Variants in KDM4C observed in about 807,000 individuals in gnomAD.
The protein encoded by KDM4C is lysine-specific demethylase 4C.
KDM4C carries 81 observed loss-of-function variants against 129.3 expected under a neutral mutation model. That is an observed-to-expected ratio of 0.63 (90% CI 0.52 to 0.75). The LOEUF is 0.75. Among genes scored for constraint, KDM4C ranks in the 30% least tolerant of loss-of-function variants. The pLI is 0.00. For synonymous variants in KDM4C, 573 were observed against 456.1 expected (o/e 1.26, Z -3.26); for missense variants, 1,457 against 1,304.0 (o/e 1.12, Z -1.81).
rs530100937 is a variant in KDM4C at position 7,057,219 on chromosome 9, G to A, written c.2424+8019G>A. Among the ~76,000 whole-genome samples, 9 of 152,262 alleles carry A rather than the reference G, an allele frequency of 5.9e-5. No homozygotes were observed. In the South Asian group the frequency reaches 1.9e-3, roughly 32 times the overall value. ...TAAAGTGAGAACATTTTCATACTTG[G>A]AGTTAGAATTTCACTGTGGTATATT... On this transcript the variant is annotated intron_variant, in intron 17 of 21. Transcript: ENST00000381309.
intron 5 of KDM4C, among the ~76,000 whole-genome samples, chr9:6,871,455 C>G (rs1444298160): frequency 6.6e-6 from 1 of 152,134 alleles, no homozygotes; most frequent in Non-Finnish European, 1.5e-5. Flanking sequence ...TTAAATGCAA[C>G]ATAATCCTGT....
At chr9:6,827,444 G>T (rs1287834031) in intron 4 of KDM4C, among the ~76,000 whole-genome samples, 2 of 152,128 alleles carry the variant, frequency 1.3e-5, no homozygotes, top group African/African-American at 2.4e-5. Flanking sequence ...TGAGGCATGG[G>T]AATCTTTTCA....
intron 4 of KDM4C, among the ~76,000 whole-genome samples, chr9:6,842,247 C>G (rs1837068384): frequency 6.6e-6 from 1 of 151,494 alleles, no homozygotes. Context: ...TAAGTATGGA[C>G]TCTTTAATGC....
chr9:6,826,564 A>G (rs1291198676), intron 4 of KDM4C, among the ~76,000 whole-genome samples: 4 of 152,084 alleles, frequency 2.6e-5, no homozygotes, highest in African/African-American at 9.7e-5. Context: ...CAACAAGATG[A>G]TTGAAAATTT....
chr9:6,954,789 C>T (rs1476918266), intron 8 of KDM4C, among the ~76,000 whole-genome samples: 2 of 152,192 alleles, frequency 1.3e-5, no homozygotes, highest in Admixed American at 6.5e-5. Flanking sequence ...AATGGGCAGA[C>T]TTCATGTACC....
intron 15 of KDM4C, among the ~76,000 whole-genome samples, 164 bp from the exon 16 acceptor site, chr9:7,046,698 C>T (rs1410747785): frequency 6.6e-6 from 1 of 151,962 alleles, no homozygotes; most frequent in South Asian, 2.1e-4. Context: ...ATTTCCCCCT[C>T]CGCTGTCTTT....
chr9:7,141,129 G>GTTATGAAGTAGGTTT (rs1841699126), intron 19 of KDM4C, among the ~76,000 whole-genome samples: 1 of 152,172 alleles, frequency 6.6e-6, no homozygotes, highest in Non-Finnish European at 1.5e-5. Context: ...AAAGAGATTT[G>GTTATGAAGTAGGTTT]TTATGAAGTA....
chr9:7,028,208 G>C (rs965608093), intron 15 of KDM4C, among the ~76,000 whole-genome samples: 1 of 152,140 alleles, frequency 6.6e-6, no homozygotes. Flanking sequence ...TGCAACTAAA[G>C]TTAGCAAGTC....
intron 17 of KDM4C, among the ~76,000 whole-genome samples, chr9:7,060,787 T>C (rs1831547894): frequency 6.6e-6 from 1 of 151,566 alleles, no homozygotes; most frequent in Non-Finnish European, 1.5e-5. Flanking sequence ...GCCAGGATTT[T>C]ATTTCTTAAA....
chr9:6,924,265 A>T (rs1822069309), intron 8 of KDM4C, among the ~76,000 whole-genome samples: 1 of 152,154 alleles, frequency 6.6e-6, no homozygotes, highest in Non-Finnish European at 1.5e-5. Context: ...TAATATACTG[A>T]ACAGTGTTTG....
intron 1 of KDM4C, among the ~76,000 whole-genome samples, chr9:6,763,305 C>G (rs1588113643): frequency 6.6e-6 from 1 of 152,158 alleles, no homozygotes; most frequent in East Asian, 1.9e-4. Context: ...CTGTTGTTCC[C>G]TGTGCCTGGA....
At position 7,095,295 on chromosome 9, in the gene KDM4C, A is replaced by T. The variant is rs192532038; in HGVS notation, c.2425-8390A>T. ...CTACTCTCTGAAAAAACGTCAGCAAACCACAGCTGCAACCTTTCATGCTGT... is the reference window on the plus strand; with the variant it reads ...CTACTCTCTGAAAAAACGTCAGCAATCCACAGCTGCAACCTTTCATGCTGT... On this transcript the variant is annotated intron_variant, in intron 17 of 21. Transcript: ENST00000381309. Among the ~76,000 whole-genome samples, 373 of 152,328 alleles carry T rather than the reference A, an allele frequency of 2.4e-3. 2 individuals carry two copies. The highest frequency in any genetic ancestry group is 8.3e-3 in the African/African-American group (343 of 41,574).
chr9:7,033,242 A>C (rs541822405), intron 15 of KDM4C, among the ~76,000 whole-genome samples: 7 of 152,008 alleles, frequency 4.6e-5, no homozygotes, highest in Non-Finnish European at 1.0e-4. Context: ...ACAAAGTAAA[A>C]CTAGTGGAAA....
intron 3 of KDM4C, among the ~76,000 whole-genome samples, chr9:6,808,523 C>T (rs1157324904): frequency 6.8e-6 from 1 of 146,144 alleles, no homozygotes; most frequent in Non-Finnish European, 1.5e-5. Context: ...ATTACCAATC[C>T]CTAATCTCAA....
intron 10 of KDM4C, among the ~76,000 whole-genome samples, chr9:6,984,757 A>C (rs548143342): frequency 1.3e-5 from 2 of 148,506 alleles, no homozygotes; most frequent in African/African-American, 4.8e-5. Flanking sequence ...AATTATAGAT[A>C]ATTCTTTGTA....
intron 2 of KDM4C, among the ~76,000 whole-genome samples, chr9:6,794,060 T>A (rs180904010): frequency 1.3e-5 from 2 of 152,190 alleles, no homozygotes; most frequent in African/African-American, 2.4e-5. Flanking sequence ...CCCCAGCCCA[T>A]AGGCAACCAC....
Position 6,949,319 on chromosome 9 carries a change from C to A in KDM4C, c.922-31606C>A, listed in dbSNP as rs574859540. On this transcript the variant is annotated intron_variant, in intron 8 of 21. Coordinates refer to ENST00000381309, the MANE Select transcript of KDM4C (RefSeq NM_015061.6). ...GGCCGGGCAGAGACGCTCCTCATTT[C>A]CTAGACGGGATGGCGGCCGGGAAGA... is the stretch of plus-strand genomic sequence containing the variant. 2.1e-3 allele frequency among the ~76,000 whole-genome samples: 326 copies of A among 151,926 alleles called. 1 individual carries two copies. The highest frequency in any genetic ancestry group is 3.9e-3 in the Non-Finnish European group (266 of 67,938).
chr9:6,884,436 A>G (rs781083151), intron 6 of KDM4C, among the ~76,000 whole-genome samples: 1 of 152,200 alleles, frequency 6.6e-6, no homozygotes, highest in Non-Finnish European at 1.5e-5. Flanking sequence ...TCACTGAACC[A>G]ATTTTCTATA....
intron 1 of KDM4C, among the ~76,000 whole-genome samples, chr9:6,736,777 G>A (rs1185867776): frequency 6.6e-6 from 1 of 152,102 alleles, no homozygotes; most frequent in Non-Finnish European, 1.5e-5. Flanking sequence ...TCCACCAGGA[G>A]CAGTGGCTCA....
Sources: allele counts gnomAD v4.1 joint callset (sites outside exome capture counted in the v4.1 genomes callset), GRCh38; gene constraint gnomAD v4.1.1; transcripts MANE v1.5; gene names NCBI Gene and HGNC (gene_info 2026-07-23, HGNC 2026-07-21).